Variants in NINL observed in about 807,000 individuals in gnomAD.
NINL encodes ninein-like protein.
A neutral mutation model predicts 160.3 loss-of-function variants in NINL; 153 were observed. That is an observed-to-expected ratio of 0.95 (90% CI 0.84 to 1.09). The LOEUF (loss-of-function observed/expected upper bound fraction) is 1.09. NINL is among the 50% of genes least tolerant of loss of function. NINL has a pLI of 0.00. For missense variants in NINL, 1,829 were observed against 1,764.0 expected (o/e 1.04, Z -0.66); for synonymous variants, 800 against 734.8 (o/e 1.09, Z -1.43).
At chr20:25,510,349 GA>G (rs1389337765) in intron 5 of NINL, among the ~76,000 whole-genome samples, 1 of 152,248 alleles carries the variant, frequency 6.6e-6, no homozygotes, top group Non-Finnish European at 1.5e-5. Flanking sequence ...CCTCCTGCCT[GA>G]AACCACAGGG....
chr20:25,498,303 A>G lies in NINL; in HGVS notation c.1076T>C (p.Leu359Pro). The G allele has an allele frequency of 1.2e-6, 2 of 1,613,324 alleles. No homozygotes were observed. Among genetic ancestry groups the G allele is most frequent in the South Asian group, 1.1e-5 (1 of 91,048 alleles). The change falls in exon 9 of 24, where the codon CTG becomes CCG. Residue 359 changes from leucine (L) to proline (P), a missense_variant. Leu to Pro is a moderately conservative substitution (Grantham distance 98, BLOSUM62 -3). Coordinates refer to ENST00000278886, the MANE Select transcript of NINL (RefSeq NM_025176.6). Reference protein sequence around the residue: ...SVDEKVNLLELTWALDNELMT... With the variant: ...SVDEKVNLLEPTWALDNELMT... ...GAGCTCGTTGTCAAGGGCCCAGGTCAGCTCCAGAAGGTTCACCTTCTCGTC... is the reference window on the plus strand; with the variant it reads ...GAGCTCGTTGTCAAGGGCCCAGGTCGGCTCCAGAAGGTTCACCTTCTCGTC...
intron 5 of NINL, among the ~76,000 whole-genome samples, chr20:25,509,857 A>G (rs2146861646): frequency 6.6e-6 from 1 of 152,392 alleles, no homozygotes; most frequent in Middle Eastern, 3.4e-3. Context: ...CAAACACAAG[A>G]TAATTAAAAT....
chr20:25,460,387 C>G (rs556042152), intron 21 of NINL, among the ~76,000 whole-genome samples: 2 of 152,286 alleles, frequency 1.3e-5, no homozygotes, highest in Admixed American at 6.5e-5. Context: ...CAAGGACAGA[C>G]TTGGTGAGGT....
intron 18 of NINL, among the ~76,000 whole-genome samples, chr20:25,469,307 C>A (rs1026250594): frequency 5.6e-5 from 8 of 141,884 alleles, no homozygotes; most frequent in South Asian, 2.4e-4. Context: ...CTGCCCTGTC[C>A]CCCGACTCTC....
Position 25,458,473 on chromosome 20 carries a change from G to A in NINL, c.3753C>T (p.Val1251=), listed in dbSNP as rs776849667. The A allele has an allele frequency of 6.2e-7, 1 of 1,603,536 alleles. No homozygotes were observed. Among genetic ancestry groups the A allele is most frequent in the Non-Finnish European group, 8.5e-7 (1 of 1,179,826 alleles). Residue 1251 remains valine (V), a synonymous_variant, in exon 22 of 24, where the codon GTC becomes GTT. Transcript: ENST00000278886. ...RQAQAQHLQE[V]RLVPQDRVAE... ...CCACACGGTCCTGGGGCACCAGCCG[G>A]ACCTCCTGCAAGTGCTGGGCCTGGG...
chr20:25,491,685 C>T (rs2063642408), intron 10 of NINL, among the ~76,000 whole-genome samples, 160 bp from the exon 11 acceptor site: 1 of 152,220 alleles, frequency 6.6e-6, no homozygotes, highest in Non-Finnish European at 1.5e-5. Context: ...GGAGGCAAAT[C>T]TGAGGGTGGG....
At chr20:25,502,809 T>C (rs977569016) in intron 7 of NINL, among the ~76,000 whole-genome samples, 1 of 152,172 alleles carries the variant, frequency 6.6e-6, no homozygotes. Flanking sequence ...TCTGCCATGA[T>C]TGTAAGCTTC....
chr20:25,570,542 T>A (rs967116986), intron 1 of NINL, among the ~76,000 whole-genome samples: 1 of 152,130 alleles, frequency 6.6e-6, no homozygotes, highest in Non-Finnish European at 1.5e-5. Context: ...ATGCTTCCTA[T>A]ACAGTTTGCA....
At chr20:25,548,040 A>G (rs2064756953) in intron 1 of NINL, among the ~76,000 whole-genome samples, 1 of 152,070 alleles carries the variant, frequency 6.6e-6, no homozygotes, top group South Asian at 2.1e-4. Flanking sequence ...GGACAGCTAT[A>G]CTCCTGGGAT....
In NINL at chr20:25,504,117, C is replaced by A; in HGVS notation, c.709-13G>T. 4 of 1,551,922 alleles carry A rather than the reference C, an allele frequency of 2.6e-6. No homozygotes were observed. Among genetic ancestry groups the A allele is most frequent in the Non-Finnish European group, 3.5e-6 (4 of 1,150,126 alleles). ...GGTCTTCGAGTTCCTAAACAAAAGC[C>A]GTCATATCTCAGGCCCACCCACAAG... On this transcript the variant is annotated splice_polypyrimidine_tract_variant and intron_variant, in intron 6 of 23. Transcript: ENST00000278886.
intron 18 of NINL, 38 bp from the exon 19 acceptor site, chr20:25,467,496 GACCA>G (rs954614279): frequency 1.3e-6 from 2 of 1,504,650 alleles, no homozygotes; most frequent in African/African-American, 2.8e-5. Context: ...TACCACTTGT[GACCA>G]ACCAGTGCCT....
chr20:25,494,410 C>A (rs577735605), intron 10 of NINL, among the ~76,000 whole-genome samples: 4 of 151,760 alleles, frequency 2.6e-5, no homozygotes, highest in African/African-American at 4.8e-5. Flanking sequence ...CGTACTGCAC[C>A]ACCGCTGTAC....
chr20:25,509,579 G>C (rs1555866543), intron 5 of NINL: 1 of 445,478 alleles, frequency 2.2e-6, no homozygotes, highest in South Asian at 1.6e-5. Flanking sequence ...TGCCAAGCCT[G>C]CTGCAAGGGT....
rs774335347 is a variant in NINL at position 25,479,025 on chromosome 20, G to C, written c.2099C>G (p.Thr700Arg). ...IWGLQEQLQD[T>R]ARGPEPEQMG... is the part of the protein sequence containing the mutation. ...CTGCTCAGGCTCGGGGCCGCGGGCT[G>C]TGTCCTGCAGCTGCTCCTGCAGGCC... Residue 700 changes from threonine (T) to arginine (R), a missense_variant, in exon 16 of 24, where the codon ACA becomes AGA. Physicochemically the swap from Thr to Arg is moderately conservative, Grantham distance 71. Coordinates refer to ENST00000278886, the MANE Select transcript of NINL (RefSeq NM_025176.6). The C allele has an allele frequency of 6.2e-7, 1 of 1,610,340 alleles. No individual in the cohort carries two copies. The highest frequency in any genetic ancestry group is 8.5e-7 in the Non-Finnish European group (1 of 1,179,968).
intron 18 of NINL, among the ~76,000 whole-genome samples, chr20:25,468,312 GCCC>G (rs1170986207): frequency 7.0e-6 from 1 of 143,292 alleles, no homozygotes; most frequent in Non-Finnish European, 1.5e-5. Flanking sequence ...CTGATGGGTG[GCCC>G]CCCGTCTGGT....
chr20:25,455,357 C>G (rs1057144622), intron 23 of NINL, among the ~76,000 whole-genome samples: 3 of 152,218 alleles, frequency 2.0e-5, no homozygotes, highest in Non-Finnish European at 4.4e-5. Context: ...GTCTGGGATG[C>G]AGGCTCAGCC....
rs56260321 is a variant in NINL, at chr20:25,472,324, GATATATATATATATATATATATAT to G, written c.3249-2253_3249-2230del. 2.5e-3 allele frequency among the ~76,000 whole-genome samples: 212 copies of G among 83,960 alleles called. 1 individual carries two copies. The highest frequency in any genetic ancestry group is 7.8e-3 in the African/African-American group (183 of 23,398). The allele number at this position is 83,960 out of a possible 152,430, so 55.1% of individuals were successfully genotyped here. ...ATTGAAGAAAATAGTGGGAGGAGAG[GATATATATATATATATATATATAT>G]ATATATATATATATATATACTTTTT... is the stretch of plus-strand genomic sequence containing the variant. On this transcript the variant is annotated intron_variant, in intron 17 of 23. Transcript: ENST00000278886.
At chr20:25,580,927 G>A (rs1284712356) in intron 1 of NINL, among the ~76,000 whole-genome samples, 2 of 152,238 alleles carry the variant, frequency 1.3e-5, no homozygotes, top group Non-Finnish European at 2.9e-5. Context: ...TACAGCCACC[G>A]CGGCTTAACT....
chr20:25,498,803 C>T, intron 8 of NINL: 1 of 693,646 alleles, frequency 1.4e-6, no homozygotes, highest in Non-Finnish European at 1.8e-6. Flanking sequence ...AGGGGGTCCC[C>T]ACAGCAGCCC....
Sources: allele counts gnomAD v4.1 joint callset (sites outside exome capture counted in the v4.1 genomes callset), GRCh38; gene constraint gnomAD v4.1.1; transcripts MANE v1.5; gene names NCBI Gene and HGNC (gene_info 2026-07-23, HGNC 2026-07-21).